Variants in ASPDH observed in about 807,000 individuals in gnomAD.
ASPDH encodes the protein aspartate dehydrogenase domain-containing protein.
A neutral mutation model predicts 30.5 loss-of-function variants in ASPDH; 25 were observed. The observed-to-expected ratio is 0.82, with a 90% CI of 0.60 to 1.14. ASPDH has a LOEUF of 1.14. Ranked by LOEUF, ASPDH falls within the 50% of genes most tolerant of loss-of-function variation. ASPDH has a pLI of 0.00. For synonymous variants in ASPDH, 168 were observed against 156.3 expected, an observed-to-expected ratio of 1.07 and a Z score of -0.56; for missense variants, 401 against 381.5, an observed-to-expected ratio of 1.05 and a Z score of -0.43.
At chr19:50,514,309 G>T (rs1980133206), upstream of ASPDH, among the ~76,000 whole-genome samples, 1 of 152,114 alleles carries the variant, frequency 6.6e-6, no homozygotes. Context: ...CCTGGCCGTG[G>T]CCCTAGCCCT....
upstream of ASPDH, chr19:50,514,787 G>C (rs554537607): frequency 1.6e-3 from 1,668 of 1,039,140 alleles, 2 homozygotes; most frequent in Middle Eastern, 5.4e-3. Context: ...GAAAGAGAGC[G>C]TGAACGGGAG....
At chr19:50,514,567 C>T (rs76503780), upstream of ASPDH, 3,624 of 1,613,402 alleles carry the variant, frequency 2.2e-3, 8 homozygotes, top group Non-Finnish European at 2.8e-3. Flanking sequence ...CCCTCCCGTT[C>T]CCCAGCTCGC....
chr19:50,513,403 G>T lies in ASPDH; in HGVS notation c.66C>A (p.Val22=). ...VGYGRLGQSL[V]SRLLAQGPEL... is the part of the protein sequence containing the mutation. ...CTGGTCCCTGAGCCAAGAGGCGGGA[G>T]ACGAGGGACTGTCCTGGGGAGAGGG... The change falls in exon 2 of 7, where the codon GTC becomes GTA. Residue 22 remains valine, a synonymous_variant. Coordinates refer to ENST00000389208, the MANE Select transcript of ASPDH (RefSeq NM_001114598.2). The surrounding 1 kb of genome is among the most constrained non-coding windows in gnomAD (Gnocchi z 4.9). The T allele has an allele frequency of 6.6e-7, 1 of 1,515,948 alleles. No individual in the cohort carries two copies. The highest frequency in any genetic ancestry group is 8.8e-7 in the Non-Finnish European group (1 of 1,131,278). The allele number at this position is 1,515,948 out of a possible 1,614,324, so 93.9% of individuals were successfully genotyped here.
chr19:50,513,441 TAGAGATCCAGAGAGAGGGGGAC>T lies in ASPDH; in HGVS notation c.53-47_53-26del. 1 of 1,459,860 alleles carries T rather than the reference TAGAGATCCAGAGAGAGGGGGAC, an allele frequency of 6.8e-7. No homozygotes were observed. The highest frequency in any genetic ancestry group is 1.4e-5 in the African/African-American group (1 of 69,626). The allele number at this position is 1,459,860 out of a possible 1,614,324, so 90.4% of individuals were successfully genotyped here. A position where few individuals can be genotyped will look rare whatever the true frequency, so the allele number is the denominator to read the frequency against. ...CCTGGGGAGAGGGAAAGGAGAGGGC[TAGAGATCCAGAGAGAGGGGGAC>T]AGAGACCCAGAGAGAGAGGAGGTGG... On this transcript the variant is annotated intron_variant, in intron 1 of 6. Coordinates refer to ENST00000389208, the MANE Select transcript of ASPDH (RefSeq NM_001114598.2). This position sits in a 1 kb window ranked among gnomAD's most constrained non-coding sequence, Gnocchi z 4.9.
upstream of ASPDH, chr19:50,514,516 A>G: frequency 1.2e-6 from 2 of 1,614,030 alleles, no homozygotes; most frequent in Non-Finnish European, 1.7e-6. Flanking sequence ...CCATCGTGCC[A>G]CCAGCTGCCT....
At chr19:50,514,956 G>GC (rs1202084123), upstream of ASPDH, 3 of 985,304 alleles carry the variant, frequency 3.0e-6, no homozygotes, top group Non-Finnish European at 3.6e-6. Context: ...AGAGCCAGGA[G>GC]CCCCCGGTGT....
upstream of ASPDH, chr19:50,514,466 C>G: frequency 1.9e-6 from 3 of 1,614,168 alleles, no homozygotes; most frequent in Non-Finnish European, 1.7e-6. Flanking sequence ...CTCTGATCAT[C>G]CTTCAGTTCA....
upstream of ASPDH, chr19:50,515,089 C>G: frequency 4.1e-6 from 4 of 985,358 alleles, no homozygotes; most frequent in Non-Finnish European, 4.8e-6. Flanking sequence ...CTGAGTGTCC[C>G]CATAGTGCCC....
Position 50,512,956 on chromosome 19 carries a change from C to T in ASPDH, c.253G>A (p.Ala85Thr). Residue 85 changes from alanine to threonine, a missense_variant, in exon 3 of 7, where the codon GCA (alanine) becomes ACA (threonine). Ala to Thr is a moderately conservative substitution (Grantham distance 58). Coordinates refer to ENST00000389208, the MANE Select transcript of ASPDH (RefSeq NM_001114598.2). ...AHPKIIHESG[A>T]QILRHANLLV... ...AGATTGGCATGGCGCAGGATTTGTG[C>T]CCCAGATTCATGGATTATTTTGGGA... 1.9e-6 allele frequency: 3 copies of T among 1,613,536 alleles called. No homozygotes were observed. Among genetic ancestry groups the T allele is most frequent in the Non-Finnish European group, 2.5e-6 (3 of 1,179,764 alleles).
rs1979968029 is a variant in ASPDH, at chr19:50,512,255, C to G, written c.689G>C (p.Ser230Thr). Reference sequence around the variant, plus strand: ...TCGGCCCGTGGGGCCCCGGGGTCCGCTCAGCTCTACATCCACCACGTGCAT... The same window carrying G: ...TCGGCCCGTGGGGCCCCGGGGTCCGGTCAGCTCTACATCCACCACGTGCAT... ...TDMHVVDVEL[S>T]GPRGPTGRSF... is the part of the protein sequence containing the mutation. Residue 230 changes from serine (S) to threonine (T), a missense_variant, in exon 6 of 7, where the codon AGC becomes ACC. Physicochemically the swap from Ser to Thr is moderately conservative, Grantham distance 58. Coordinates refer to ENST00000389208, the MANE Select transcript of ASPDH (RefSeq NM_001114598.2). 2 of 1,613,076 alleles carry G rather than the reference C, an allele frequency of 1.2e-6. No homozygotes were observed. Among genetic ancestry groups the G allele is most frequent in the Non-Finnish European group, 1.7e-6 (2 of 1,179,842 alleles).
At position 50,512,205 on chromosome 19, in the gene ASPDH, C is replaced by G; in HGVS notation, c.739G>C (p.Glu247Gln). 6.2e-7 allele frequency: 1 copy of G among 1,609,764 alleles called. No homozygotes were observed. The highest frequency in any genetic ancestry group is 8.5e-7 in the Non-Finnish European group (1 of 1,179,154). Residue 247 changes from glutamate (E) to glutamine (Q), a missense_variant, in exon 6 of 7, where the codon GAG becomes CAG. Transcript: ENST00000389208. ...GRSFAVHTRR[E>Q]NPAEPGAVTG... The stretch of plus-strand genomic sequence containing the variant: ...ACCGCGCCTGGCTCGGCAGGGTTCT[C>G]TCTGCGGGTGTGCACAGCAAAGCTT...
chr19:50,513,963 G>T (rs1317947623), upstream of ASPDH: 1 of 1,055,492 alleles, frequency 9.5e-7, no homozygotes, highest in Non-Finnish European at 1.3e-6. The surrounding 1 kb of genome is among the most constrained non-coding windows in gnomAD (Gnocchi z 4.9). Context: ...CAGGCCCAGC[G>T]TGGGGGCGTG....
At position 50,513,692 on chromosome 19, in the gene ASPDH, AGT is replaced by A. The variant is rs1980098765; in HGVS notation, c.52+78_52+79del. 8.9e-7 allele frequency: 1 copy of A among 1,121,212 alleles called. No individual in the cohort carries two copies. Among genetic ancestry groups the A allele is most frequent in the Non-Finnish European group, 1.3e-6 (1 of 765,624 alleles). 69.5% of individuals were successfully genotyped at this position (1,121,212 alleles called of 1,614,324 possible). ...CCAGGGGCAGATAGAGAGAGAAAAA[AGT>A]GTTTGTGGAGGGCAGAGAGTCTTGG... On this transcript the variant is annotated intron_variant, in intron 1 of 6. Transcript: ENST00000389208. This position sits in a 1 kb window ranked among gnomAD's most constrained non-coding sequence, Gnocchi z 4.9.
chr19:50,512,688 C>A lies in ASPDH; in HGVS notation c.405G>T (p.Arg135Ser). The A allele has an allele frequency of 6.5e-7, 1 of 1,550,250 alleles. No homozygotes were observed. The highest frequency in any genetic ancestry group is 8.7e-7 in the Non-Finnish European group (1 of 1,146,838). Residue 135 changes from arginine (R) to serine (S), a missense_variant, in exon 4 of 7, where the codon AGG becomes AGT. Arg to Ser is a moderately radical substitution (Grantham distance 110, BLOSUM62 -1). Coordinates refer to ENST00000389208, the MANE Select transcript of ASPDH (RefSeq NM_001114598.2). ...GGAGGCCCCCAGCTGCATCCAATCTCCTGATGTCCTCAGCGCCCCACAGGG... is the reference window on the plus strand; with the variant it reads ...GGAGGCCCCCAGCTGCATCCAATCTACTGATGTCCTCAGCGCCCCACAGGG... ...RGALWGAEDI[R>S]RLDAAGGLRS...
rs757971492 is a variant in ASPDH at position 50,513,344 on chromosome 19, C to T, written c.125G>A (p.Arg42His). 3.7e-5 allele frequency: 57 copies of T among 1,540,454 alleles called. No homozygotes were observed. Among genetic ancestry groups the T allele is most frequent in the Admixed American group, 1.4e-4 (7 of 48,716 alleles). The change falls in exon 2 of 7, where the codon CGT becomes CAT. Residue 42 changes from arginine (R) to histidine (H), a missense_variant. Physicochemically the swap from Arg to His is conservative, Grantham distance 29. Coordinates refer to ENST00000389208, the MANE Select transcript of ASPDH (RefSeq NM_001114598.2). The surrounding 1 kb of genome is among the most constrained non-coding windows in gnomAD (Gnocchi z 4.9). ...GCTCCCTGCCATTCGTCCTGGGTCACGATTCCAGACAAAAACAAGTTCTAG... is the reference window on the plus strand; with the variant it reads ...GCTCCCTGCCATTCGTCCTGGGTCATGATTCCAGACAAAAACAAGTTCTAG... Reference protein sequence around the residue: ...LGLELVFVWNRDPGRMAGSVP... With the variant: ...LGLELVFVWNHDPGRMAGSVP...
At chr19:50,514,764 A>G, upstream of ASPDH, 2 of 1,149,492 alleles carry the variant, frequency 1.7e-6, no homozygotes, top group Non-Finnish European at 2.2e-6. Context: ...TGGCGCTGGA[A>G]GGAGGCTGGA....
chr19:50,514,755 G>T, upstream of ASPDH: 1 of 1,400,960 alleles, frequency 7.1e-7, no homozygotes, highest in Non-Finnish European at 9.3e-7. Context: ...AACCAGGATT[G>T]GCGCTGGAAG....
chr19:50,513,919 T>A (rs1174713781), upstream of ASPDH: 1 of 1,435,242 alleles, frequency 7.0e-7, no homozygotes, highest in Non-Finnish European at 9.3e-7. The surrounding 1 kb of genome is among the most constrained non-coding windows in gnomAD (Gnocchi z 4.9). Flanking sequence ...CATCTGACCC[T>A]TGAGCCTCTG....
chr19:50,513,354 C>G lies in ASPDH; in HGVS notation c.115G>C (p.Val39Leu). Residue 39 changes from valine (V) to leucine (L), a missense_variant, in exon 2 of 7, where the codon GTC becomes CTC. By Grantham distance (32) the Val-to-Leu change is conservative. Coordinates refer to ENST00000389208, the MANE Select transcript of ASPDH (RefSeq NM_001114598.2). The surrounding 1 kb of genome is among the most constrained non-coding windows in gnomAD (Gnocchi z 4.9). ...ATTCGTCCTGGGTCACGATTCCAGA[C>G]AAAAACAAGTTCTAGGCCAAGTTCT... is the stretch of plus-strand genomic sequence containing the variant. ...GPELGLELVFVWNRDPGRMAG... is the reference protein window; with the variant it reads ...GPELGLELVFLWNRDPGRMAG... The G allele has an allele frequency of 6.5e-7, 1 of 1,542,672 alleles. No individual in the cohort carries two copies. Among genetic ancestry groups the G allele is most frequent in the African/African-American group, 1.4e-5 (1 of 72,758 alleles).
Sources: allele counts gnomAD v4.1 joint callset (sites outside exome capture counted in the v4.1 genomes callset), GRCh38; gene constraint gnomAD v4.1.1; non-coding constraint Gnocchi (gnomAD v3.1); transcripts MANE v1.5; gene names NCBI Gene and HGNC (gene_info 2026-07-23, HGNC 2026-07-21).